The following GNAQ variants were observed in gnomAD, a reference collection of about 807,000 sequenced individuals.
GNAQ encodes the protein G protein subunit alpha q.
In GNAQ, 8 loss-of-function variants were observed where a neutral mutation model predicts 43.9. That is an observed-to-expected ratio of 0.18 (90% CI 0.11 to 0.33). The LOEUF is 0.33. Ranked by LOEUF, GNAQ falls within the 10% of genes least tolerant of loss-of-function variation. The probability of loss-of-function intolerance (pLI) is 1.00; values close to 1 mark genes in which losing one functional copy is unlikely to be tolerated. For synonymous variants in GNAQ, 155 were observed against 170.7 expected (o/e 0.91, Z 0.71); for missense variants, 158 against 450.8 (o/e 0.35, Z 5.88).
At chr9:77,917,417 TTAG>T (rs1828927558) in intron 2 of GNAQ, among the ~76,000 whole-genome samples, 1 of 152,120 alleles carries the variant, frequency 6.6e-6, no homozygotes, top group African/African-American at 2.4e-5. Flanking sequence ...GGTACTAGGC[TTAG>T]TACCTGAGTG....
At chr9:77,842,071 A>G (rs753959486) in intron 2 of GNAQ, among the ~76,000 whole-genome samples, 15 of 152,238 alleles carry the variant, frequency 9.9e-5, no homozygotes, top group Non-Finnish European at 2.2e-4. Flanking sequence ...AGTTTTCAAT[A>G]AATCAAATCC....
intron 5 of GNAQ, among the ~76,000 whole-genome samples, chr9:77,760,069 A>AT (rs34603696): frequency 0.57 from 83,324 of 145,530 alleles, 25,932 homozygotes; most frequent in Non-Finnish European, 0.71. Context: ...CCTTTTTCTA[A>AT]TTTTTTTTTT....
At chr9:77,805,823 G>T (rs1161612584) in intron 3 of GNAQ, among the ~76,000 whole-genome samples, 2 of 152,192 alleles carry the variant, frequency 1.3e-5, no homozygotes, top group Non-Finnish European at 2.9e-5. Context: ...GAGGATAAAA[G>T]AGAAGGCTTC....
intron 5 of GNAQ, among the ~76,000 whole-genome samples, chr9:77,767,001 T>C (rs982156252): frequency 1.3e-5 from 2 of 152,122 alleles, no homozygotes; most frequent in African/African-American, 2.4e-5. Context: ...AAAACCTACA[T>C]TTGGAAAGAG....
At chr9:77,765,966 TAAA>T (rs1775346730) in intron 5 of GNAQ, among the ~76,000 whole-genome samples, 1 of 152,294 alleles carries the variant, frequency 6.6e-6, no homozygotes, top group Admixed American at 6.5e-5. Flanking sequence ...TTATGCTAAG[TAAA>T]ATAAGCCAGT....
intron 1 of GNAQ, among the ~76,000 whole-genome samples, chr9:77,962,901 A>G (rs556466177): frequency 1.3e-5 from 2 of 151,792 alleles, no homozygotes; most frequent in Non-Finnish European, 2.9e-5. Flanking sequence ...TCAAAAAAAA[A>G]AAAAAAAAAA....
intron 6 of GNAQ, among the ~76,000 whole-genome samples, chr9:77,723,269 T>G (rs1039908427): frequency 6.6e-6 from 1 of 152,202 alleles, no homozygotes; most frequent in Non-Finnish European, 1.5e-5. Flanking sequence ...ATGGAGAGAT[T>G]TGTACTCTTG....
intron 6 of GNAQ, among the ~76,000 whole-genome samples, chr9:77,724,336 C>T (rs955575519): frequency 1.3e-5 from 2 of 152,052 alleles, no homozygotes; most frequent in Non-Finnish European, 2.9e-5. Flanking sequence ...GGACTACAGG[C>T]GTGCACCACC....
At chr9:77,931,070 C>G (rs1021402806) in intron 1 of GNAQ, among the ~76,000 whole-genome samples, 16 of 151,366 alleles carry the variant, frequency 1.1e-4, no homozygotes, top group African/African-American at 3.9e-4. Context: ...CGACCCGACC[C>G]CCATCCCTGG....
At position 77,734,505 on chromosome 9, in the gene GNAQ, A is replaced by G. The variant is rs138871206; in HGVS notation, c.736-5838T>C. Among the ~76,000 whole-genome samples, 34 of 105,296 alleles carry G rather than the reference A, an allele frequency of 3.2e-4. No homozygotes were observed. The East Asian group carries it at 7.2e-3, about 22-fold the overall frequency. The allele number at this position is 105,296 out of a possible 152,430, so 69.1% of individuals were successfully genotyped here. On this transcript the variant is annotated intron_variant, in intron 5 of 6. Transcript: ENST00000286548. ...TGTCATGAGGGCATTCATAACAATC[A>G]TCACTGAGGGCCTGACAGTCATCTA...
chr9:77,911,457 A>G (rs748284874), intron 2 of GNAQ, among the ~76,000 whole-genome samples: 13 of 152,228 alleles, frequency 8.5e-5, no homozygotes, highest in Non-Finnish European at 1.8e-4. Context: ...CATTAGGCAC[A>G]AATGAGTAAT....
chr9:77,987,029 T>C (rs1196484364), intron 1 of GNAQ, among the ~76,000 whole-genome samples: 1 of 152,140 alleles, frequency 6.6e-6, no homozygotes, highest in African/African-American at 2.4e-5. Context: ...CAATTCAAGA[T>C]ATTAAAGGTG....
At chr9:77,906,099 AAAAATAATTTCTAAAT>A (rs1432045491) in intron 2 of GNAQ, among the ~76,000 whole-genome samples, 9 of 152,202 alleles carry the variant, frequency 5.9e-5, no homozygotes, top group African/African-American at 2.2e-4. Flanking sequence ...AAGTTAAAAA[AAAAATAATTTCTAAAT>A]AAAATAACCA....
At chr9:77,960,022 T>C (rs913412003) in intron 1 of GNAQ, among the ~76,000 whole-genome samples, 1 of 152,202 alleles carries the variant, frequency 6.6e-6, no homozygotes, top group Admixed American at 6.5e-5. Context: ...CCTTGCCTCT[T>C]CACTCAACAC....
chr9:78,023,596 G>T (rs943673967), intron 1 of GNAQ, among the ~76,000 whole-genome samples: 4 of 151,500 alleles, frequency 2.6e-5, no homozygotes, highest in African/African-American at 9.7e-5. Context: ...GGTGGTAGAA[G>T]ATCTCACCAA....
intron 1 of GNAQ, among the ~76,000 whole-genome samples, chr9:78,015,766 A>G (rs184946325): frequency 0.01 from 1,579 of 152,296 alleles, 16 homozygotes; most frequent in Non-Finnish European, 0.017. Flanking sequence ...ATCTTGGTTC[A>G]AAAACAAAAA....
chr9:78,009,367 A>C (rs1452611399), intron 1 of GNAQ, among the ~76,000 whole-genome samples: 1 of 152,200 alleles, frequency 6.6e-6, no homozygotes, highest in Non-Finnish European at 1.5e-5. Flanking sequence ...CCAGAAGGCC[A>C]ATCTGATTTC....
chr9:77,929,620 C>T (rs1829119286), intron 1 of GNAQ, among the ~76,000 whole-genome samples: 2 of 151,996 alleles, frequency 1.3e-5, no homozygotes. Flanking sequence ...CATTTGAGGT[C>T]AGGTGTTCAA....
intron 3 of GNAQ, among the ~76,000 whole-genome samples, chr9:77,799,495 T>C (rs922079147): frequency 6.6e-6 from 1 of 152,196 alleles, no homozygotes; most frequent in Non-Finnish European, 1.5e-5. Context: ...GTTGGATGGA[T>C]TGATGGATTT....
Sources: gnomAD v4.1 joint callset for allele counts (sites outside exome capture counted in the v4.1 genomes callset) on GRCh38, gnomAD v4.1.1 for gene constraint, MANE v1.5 for transcripts, NCBI Gene and HGNC (gene_info 2026-07-23, HGNC 2026-07-21) for gene names.